Variants in MSH6 observed in about 807,000 individuals in gnomAD.
The protein encoded by MSH6 is mutS homolog 6, also known as DNA mismatch repair protein Msh6.
In MSH6, 85 loss-of-function variants were observed where a neutral mutation model predicts 119.1. That is an observed-to-expected ratio of 0.71 (90% CI 0.60 to 0.85). The LOEUF (loss-of-function observed/expected upper bound fraction) is 0.85. Among genes scored for constraint, MSH6 ranks in the 40% least tolerant of loss-of-function variants. The pLI is 0.00. For synonymous variants in MSH6, 830 were observed against 586.9 expected (o/e 1.41, Z -5.99); for missense variants, 2,163 against 1,655.3 (o/e 1.31, Z -5.32).
Position 47,799,001 on chromosome 2 carries a change from T to C in MSH6, c.1018T>C (p.Phe340Leu), listed in dbSNP as rs2104313823. ...AGAAACCAAGAATACTTTGAGAGCT[T>C]TCTCTGCCCCTCAAAATTCTGAATC... is the stretch of plus-strand genomic sequence containing the variant. ...SSETKNTLRA[F>L]SAPQNSESQA... The change falls in exon 4 of 10, where the codon TTC becomes CTC. Residue 340 changes from phenylalanine (F) to leucine (L), a missense_variant. Transcript: ENST00000234420. The C allele has an allele frequency of 6.2e-7, 1 of 1,614,234 alleles. No individual in the cohort carries two copies. Among genetic ancestry groups the C allele is most frequent in the Non-Finnish European group, 8.5e-7 (1 of 1,180,038 alleles).
In MSH6 at chr2:47,806,661, T is replaced by TAACTA. The variant is rs587779302; in HGVS notation, c.4001+11_4001+15dup. 1.7e-4 allele frequency: 267 copies of TAACTA among 1,603,248 alleles called. 2 individuals are homozygous for TAACTA. The highest frequency in any genetic ancestry group is 9.9e-4 in the South Asian group (90 of 90,798). ...CACTACGATTATTTCGGTAACTAACTAACTATAATGGAATTATAACTAACT... is the reference window on the plus strand; with the variant it reads ...CACTACGATTATTTCGGTAACTAACTAACTAAACTATAATGGAATTATAACTAACT... On this transcript the variant is annotated intron_variant, in intron 9 of 9. Coordinates refer to ENST00000234420, the MANE Select transcript of MSH6 (RefSeq NM_000179.3).
intron 2 of MSH6, 41 bp from the exon 3 acceptor site, chr2:47,795,853 T>C (rs1389452734): frequency 6.3e-7 from 1 of 1,586,340 alleles, no homozygotes; most frequent in South Asian, 1.1e-5. Flanking sequence ...CGTGAGCCTC[T>C]GCACCCGGCC....
At chr2:47,803,357 A>G (rs777627700) in intron 4 of MSH6, 63 bp from the exon 5 acceptor site, 3 of 1,604,210 alleles carry the variant, frequency 1.9e-6, no homozygotes, top group Non-Finnish European at 2.6e-6. Flanking sequence ...AAGACCTATA[A>G]AACACTTAGG....
intron 4 of MSH6, chr2:47,801,452 C>T (rs1029752564): frequency 1.8e-5 from 6 of 324,572 alleles, no homozygotes; most frequent in South Asian, 3.1e-5. Flanking sequence ...ACTGCAGCCT[C>T]GACCTCCCAG....
In MSH6 at chr2:47,783,457, G is replaced by C. The variant is rs1572698482; in HGVS notation, c.224G>C (p.Gly75Ala). ...SPPKAKNLNG[G>A]LRRSVAPAAP... ...CCCAAGGCGAAGAACCTCAACGGAG[G>C]GCTGCGGAGATCGGTAGCGCCTGCT... Residue 75 changes from glycine (G) to alanine (A), a missense_variant, in exon 1 of 10, where the codon GGG becomes GCG. Physicochemically the swap from Gly to Ala is moderately conservative, Grantham distance 60. Coordinates refer to ENST00000234420, the MANE Select transcript of MSH6 (RefSeq NM_000179.3). 1 of 1,467,274 alleles carries C rather than the reference G, an allele frequency of 6.8e-7. No individual in the cohort carries two copies. The highest frequency in any genetic ancestry group is 9.0e-7 in the Non-Finnish European group (1 of 1,110,344). 90.9% of individuals were successfully genotyped at this position (1,467,274 alleles called of 1,614,324 possible). A position where few individuals can be genotyped will look rare whatever the true frequency, so the allele number is the denominator to read the frequency against.
In MSH6 at chr2:47,799,763, GT is replaced by G. The variant is rs267608050; in HGVS notation, c.1784del (p.Leu595TyrfsTer15). ...AGTGGCACACTATCCCCCAGTACAA[GT>G]TTTATTTGAAAAAGGAAATCTCTCA... ...TLVAHYPPVQVLFEKGNLSKE... is the reference protein window; with the variant it reads ...TLVAHYPPVQXLFEKGNLSKE... On this transcript the variant is annotated frameshift_variant, in exon 4 of 10. Transcript: ENST00000234420. LOFTEE classifies it high-confidence loss of function. 6.2e-7 allele frequency: 1 copy of G among 1,614,154 alleles called. No homozygotes were observed. The highest frequency in any genetic ancestry group is 8.5e-7 in the Non-Finnish European group (1 of 1,180,022).
At chr2:47,804,811 T>TA (rs1491433120) in intron 5 of MSH6, 99 bp from the exon 6 acceptor site, 1 of 888,156 alleles carries the variant, frequency 1.1e-6, no homozygotes, top group Non-Finnish European at 1.9e-6. Context: ...AAAGTTGTTT[T>TA]AGAGTGCCTA....
intron 1 of MSH6, among the ~76,000 whole-genome samples, chr2:47,785,268 C>G (rs1668282778): frequency 6.6e-6 from 1 of 151,386 alleles, no homozygotes; most frequent in Non-Finnish European, 1.5e-5. Flanking sequence ...CGCTCTGTCG[C>G]CCAGGCTGGA....
rs786204252 is a variant in MSH6, at chr2:47,799,089, CTT to C, written c.1108_1109del (p.Leu370ArgfsTer4). On this transcript the variant is annotated frameshift_variant, in exon 4 of 10. Coordinates refer to ENST00000234420, the MANE Select transcript of MSH6 (RefSeq NM_000179.3). LOFTEE classifies it high-confidence loss of function. ...CGCCCTACTGTTTGGTATCATGAAA[CTT>C]TAGAATGGCTTAAGGAGGAAAAGAG... is the stretch of plus-strand genomic sequence containing the variant. 1 of 1,614,134 alleles carries C rather than the reference CTT, an allele frequency of 6.2e-7. No individual in the cohort carries two copies.
rs2104416704 is a variant in MSH6, at chr2:47,800,627, T to C, written c.2644T>C (p.Phe882Leu). Residue 882 changes from phenylalanine to leucine, a missense_variant, in exon 4 of 10, where the codon TTT becomes CTT. By Grantham distance (22) the Phe-to-Leu change is conservative (BLOSUM62 0). Coordinates refer to ENST00000234420, the MANE Select transcript of MSH6 (RefSeq NM_000179.3). Reference sequence around the variant, plus strand: ...GATCATGGAAGAAGTTGCTGATGGTTTTAAGTCTAAAATCCTTAAGCAGGT... The same window carrying C: ...GATCATGGAAGAAGTTGCTGATGGTCTTAAGTCTAAAATCCTTAAGCAGGT... ...IGIMEEVADG[F>L]KSKILKQVIS... 6.2e-7 allele frequency: 1 copy of C among 1,614,206 alleles called. No individual in the cohort carries two copies. The highest frequency in any genetic ancestry group is 1.1e-5 in the South Asian group (1 of 91,086).
chr2:47,792,550 A>C (rs77248622), intron 2 of MSH6, among the ~76,000 whole-genome samples: 1 of 152,154 alleles, frequency 6.6e-6, no homozygotes, highest in Non-Finnish European at 1.5e-5. Flanking sequence ...CAGTTTTGCC[A>C]TGTTGCCCAA....
chr2:47,792,205 T>C (rs1166914231), intron 2 of MSH6, among the ~76,000 whole-genome samples: 6 of 152,286 alleles, frequency 3.9e-5, no homozygotes, highest in Admixed American at 3.3e-4. Flanking sequence ...GCCAGGCTGG[T>C]CTCCAACTTC....
In MSH6 at chr2:47,797,172, G is replaced by T. The variant is rs3136323; in HGVS notation, c.627+1109G>T. ...TTAGTGTATTTTATGTGTGGCCTAA[G>T]ACAATTCTTCCAGTGTGGCCCAGGG... is the stretch of plus-strand genomic sequence containing the variant. On this transcript the variant is annotated intron_variant, in intron 3 of 9. Transcript: ENST00000234420. Among the ~76,000 whole-genome samples the T allele has an allele frequency of 4.9e-3, 747 of 152,230 alleles. 5 individuals are homozygous for T. The highest frequency in any genetic ancestry group is 0.017 in the African/African-American group (715 of 41,522).
chr2:47,791,922 C>G (rs1668753736), intron 2 of MSH6, among the ~76,000 whole-genome samples: 1 of 152,092 alleles, frequency 6.6e-6, no homozygotes, highest in Non-Finnish European at 1.5e-5. Flanking sequence ...TCTCAGCTCA[C>G]TGCAACCGCC....
chr2:47,786,891 C>T (rs908352925), intron 1 of MSH6, among the ~76,000 whole-genome samples: 3 of 152,154 alleles, frequency 2.0e-5, no homozygotes, highest in Non-Finnish European at 4.4e-5. Flanking sequence ...CCACTTCAGC[C>T]TCCCAACCTG....
rs1057520319 is a variant in MSH6, at chr2:47,795,940, A to G, written c.504A>G (p.Ala168=). The change falls in exon 3 of 10, where the codon GCA becomes GCG. Residue 168 remains alanine (A), a synonymous_variant. Coordinates refer to ENST00000234420, the MANE Select transcript of MSH6 (RefSeq NM_000179.3). ...AGAAGGGAGGTCATTTTTACAGTGCAAAGCCTGAAATACTGAGAGCAATGC... is the reference window on the plus strand; with the variant it reads ...AGAAGGGAGGTCATTTTTACAGTGCGAAGCCTGAAATACTGAGAGCAATGC... The part of the protein sequence containing the change: ...EAQKGGHFYS[A]KPEILRAMQR... 3.7e-6 allele frequency: 6 copies of G among 1,614,194 alleles called. No individual in the cohort carries two copies. The highest frequency in any genetic ancestry group is 4.2e-6 in the Non-Finnish European group (5 of 1,180,024).
Position 47,804,993 on chromosome 2 carries a change from T to C in MSH6, c.3522T>C (p.Phe1174=), listed in dbSNP as rs768759155. ...VCRLTPIDRV[F]TRLGASDRIM... ...GGCTCACACCAATTGATAGAGTGTT[T>C]ACTAGACTTGGTGCCTCAGACAGAA... The change falls in exon 6 of 10, where the codon TTT becomes TTC. Residue 1174 remains phenylalanine (F), a synonymous_variant. Coordinates refer to ENST00000234420, the MANE Select transcript of MSH6 (RefSeq NM_000179.3). The C allele has an allele frequency of 3.1e-6, 5 of 1,613,978 alleles. No individual in the cohort carries two copies. The highest frequency in any genetic ancestry group is 8.5e-7 in the Non-Finnish European group (1 of 1,179,966).
At chr2:47,807,331 A>ATACTT (rs1466667764), downstream of MSH6, 1 of 213,994 alleles carries the variant, frequency 4.7e-6, no homozygotes, top group East Asian at 7.1e-5. Flanking sequence ...AGTTACAAGA[A>ATACTT]TACTTTTGTT....
chr2:47,808,988 C>A (rs980550076), downstream of MSH6: 2 of 511,260 alleles, frequency 3.9e-6, no homozygotes, highest in African/African-American at 2.0e-5. Context: ...TAAGCCACCA[C>A]GCCTACCCAC....
Sources: gnomAD v4.1 joint callset for allele counts (sites outside exome capture counted in the v4.1 genomes callset) on GRCh38, gnomAD v4.1.1 for gene constraint, MANE v1.5 for transcripts, NCBI Gene and HGNC (gene_info 2026-07-23, HGNC 2026-07-21) for gene names.